LRRC4C: variants seen among roughly 807,000 people sequenced by gnomAD.
The protein encoded by LRRC4C is leucine-rich repeat-containing protein 4C.
LRRC4C carries 5 observed loss-of-function variants against 33.6 expected under a neutral mutation model. The ratio of observed to expected loss-of-function variants is 0.15; its 90% CI spans 0.08 to 0.31. The LOEUF (loss-of-function observed/expected upper bound fraction) is 0.31, where lower values mean the gene tolerates loss of function less well. Among genes scored for constraint, LRRC4C ranks in the 10% least tolerant of loss-of-function variants. LRRC4C has a pLI of 1.00. For synonymous variants in LRRC4C, 329 were observed against 302.0 expected, an observed-to-expected ratio of 1.09 and a Z score of -0.93; for missense variants, 560 against 796.7, an observed-to-expected ratio of 0.70 and a Z score of 3.58.
intron 2 of LRRC4C, among the ~76,000 whole-genome samples, chr11:40,911,706 T>C (rs1011626596): frequency 6.6e-6 from 1 of 152,174 alleles, no homozygotes. Flanking sequence ...GAATGACTTT[T>C]ATGAGTTGAG....
chr11:40,252,644 T>A (rs1357099094), intron 4 of LRRC4C, among the ~76,000 whole-genome samples: 1 of 152,232 alleles, frequency 6.6e-6, no homozygotes, highest in African/African-American at 2.4e-5. Context: ...TGGCAAAGAT[T>A]AAAATAGCCC....
At chr11:40,716,702 A>T (rs1256803813) in intron 2 of LRRC4C, among the ~76,000 whole-genome samples, 1 of 152,146 alleles carries the variant, frequency 6.6e-6, no homozygotes, top group Non-Finnish European at 1.5e-5. Flanking sequence ...CCTTAAAACC[A>T]TACTGAAAAA....
chr11:41,445,843 A>G (rs1026022282), intron 1 of LRRC4C, among the ~76,000 whole-genome samples: 7 of 131,638 alleles, frequency 5.3e-5, no homozygotes, highest in Admixed American at 5.3e-4. Context: ...GGGAATCCAC[A>G]GTGTGTATGA....
intron 5 of LRRC4C, among the ~76,000 whole-genome samples, chr11:40,167,201 AGGT>A: frequency 6.6e-6 from 1 of 152,162 alleles, no homozygotes; most frequent in African/African-American, 2.4e-5. Flanking sequence ...CAAAAAGCTT[AGGT>A]TGTCCAAAAT....
At chr11:41,179,888 C>T (rs1472416172) in intron 1 of LRRC4C, among the ~76,000 whole-genome samples, 1 of 152,056 alleles carries the variant, frequency 6.6e-6, no homozygotes. Flanking sequence ...GGCAGGTTTT[C>T]TTCCACCTAG....
chr11:40,948,698 C>G (rs1339029734), intron 1 of LRRC4C, among the ~76,000 whole-genome samples: 1 of 148,986 alleles, frequency 6.7e-6, no homozygotes, highest in Non-Finnish European at 1.5e-5. Context: ...GACATGAACT[C>G]ATCATTTTTT....
At chr11:41,271,105 A>G (rs1173720471) in intron 1 of LRRC4C, among the ~76,000 whole-genome samples, 1 of 152,136 alleles carries the variant, frequency 6.6e-6, no homozygotes, top group East Asian at 1.9e-4. Context: ...GGTACCAGGT[A>G]GGACTAGGAC....
intron 2 of LRRC4C, among the ~76,000 whole-genome samples, chr11:40,864,824 T>A (rs1954273040): frequency 6.6e-6 from 1 of 152,194 alleles, no homozygotes; most frequent in African/African-American, 2.4e-5. Context: ...TTTCAACAAA[T>A]TTTCAATATT....
intron 1 of LRRC4C, among the ~76,000 whole-genome samples, chr11:41,388,706 T>G (rs945199470): frequency 5.3e-5 from 8 of 151,902 alleles, no homozygotes; most frequent in Non-Finnish European, 7.4e-5. Context: ...AGAAACAAAG[T>G]GAAGCCAATT....
At position 40,803,926 on chromosome 11, in the gene LRRC4C, T is replaced by G. The variant is rs746193793; in HGVS notation, c.-407+129709A>C. 4.8e-4 allele frequency among the ~76,000 whole-genome samples: 73 copies of G among 152,330 alleles called. 1 individual carries two copies. The highest frequency in any genetic ancestry group is 9.8e-4 in the Non-Finnish European group (67 of 68,026). On this transcript the variant is annotated intron_variant, in intron 2 of 6. Coordinates refer to ENST00000528697, the MANE Select transcript of LRRC4C (RefSeq NM_001258419.2). ...TCCTTTGTGTTACAAACAATCCAAT[T>G]GTACTTTTTTAGATATTTTTAAATG...
chr11:40,151,115 C>T (rs1490405915), intron 5 of LRRC4C, among the ~76,000 whole-genome samples: 1 of 152,138 alleles, frequency 6.6e-6, no homozygotes, highest in Non-Finnish European at 1.5e-5. Context: ...TAGTCTAGTT[C>T]TCTTTCTAGT....
intron 1 of LRRC4C, among the ~76,000 whole-genome samples, chr11:41,339,082 G>C (rs1951549141): frequency 6.6e-6 from 1 of 152,016 alleles, no homozygotes; most frequent in South Asian, 2.1e-4. Flanking sequence ...AATGACAAAG[G>C]CATCTATTTA....
chr11:40,323,698 C>A (rs900142387), intron 3 of LRRC4C, among the ~76,000 whole-genome samples: 1 of 152,118 alleles, frequency 6.6e-6, no homozygotes. Flanking sequence ...ATTTTTTCAT[C>A]AAATATTTCT....
At chr11:40,860,882 A>G (rs1954062051) in intron 2 of LRRC4C, among the ~76,000 whole-genome samples, 1 of 143,168 alleles carries the variant, frequency 7.0e-6, no homozygotes, top group Non-Finnish European at 1.5e-5. Flanking sequence ...TTTTATTTTG[A>G]TATGATGAAA....
intron 1 of LRRC4C, among the ~76,000 whole-genome samples, chr11:41,366,753 CA>C (rs1952559507): frequency 6.6e-6 from 1 of 151,944 alleles, no homozygotes; most frequent in Non-Finnish European, 1.5e-5. Context: ...AGATTAGGGA[CA>C]GATATACACA....
At chr11:40,727,187 T>TA (rs1259701620) in intron 2 of LRRC4C, among the ~76,000 whole-genome samples, 2 of 152,052 alleles carry the variant, frequency 1.3e-5, no homozygotes, top group Non-Finnish European at 2.9e-5. Flanking sequence ...CTCCAGTAAC[T>TA]AAAACAGCAT....
chr11:40,591,940 T>G (rs1177560694), intron 3 of LRRC4C, among the ~76,000 whole-genome samples: 1 of 152,254 alleles, frequency 6.6e-6, no homozygotes, highest in Non-Finnish European at 1.5e-5. Context: ...GCTTTACTTT[T>G]GCGTCTATCC....
Position 41,305,920 on chromosome 11 carries a change from AAAT to A in LRRC4C, c.-496+153508_-496+153510del, listed in dbSNP as rs1158039680. On this transcript the variant is annotated intron_variant, in intron 1 of 6. Transcript: ENST00000528697. Reference sequence around the variant, plus strand: ...ATCAATAAAAAAATAAATTAAAAAAAAATAATAAAATAAAATAAATAAATACTA... The same window carrying A: ...ATCAATAAAAAAATAAATTAAAAAAAAATAAAATAAAATAAATAAATACTA... Among the ~76,000 whole-genome samples the A allele has an allele frequency of 4.7e-3, 282 of 59,908 alleles. 2 individuals carry two copies. In the East Asian group the frequency reaches 0.081, roughly 17 times the overall value. 39.3% of individuals were successfully genotyped at this position (59,908 alleles called of 152,430 possible).
intron 3 of LRRC4C, among the ~76,000 whole-genome samples, chr11:40,612,680 A>G (rs1278700119): frequency 2.0e-5 from 3 of 151,924 alleles, no homozygotes; most frequent in Non-Finnish European, 4.4e-5. Context: ...CATACAGAAC[A>G]CTATCCATAT....
Sources: allele counts gnomAD v4.1 joint callset (sites outside exome capture counted in the v4.1 genomes callset), GRCh38; gene constraint gnomAD v4.1.1; transcripts MANE v1.5; gene names NCBI Gene and HGNC (gene_info 2026-07-23, HGNC 2026-07-21).